The following ZNF385D variants were observed in gnomAD, a reference collection of about 807,000 sequenced individuals.
The protein encoded by ZNF385D is zinc finger protein 385D, also known as zinc finger protein 659.
Under a neutral mutation model 35.8 loss-of-function variants are expected in ZNF385D, and 15 were observed. The observed-to-expected ratio is 0.42, with a 90% CI of 0.28 to 0.64. The LOEUF is 0.64. ZNF385D is among the 30% of genes least tolerant of loss of function. ZNF385D has a pLI of 0.23. For synonymous variants in ZNF385D, 212 were observed against 186.8 expected, an observed-to-expected ratio of 1.13 and a Z score of -1.10; for missense variants, 474 against 494.6, an observed-to-expected ratio of 0.96 and a Z score of 0.39.
At chr3:21,443,425 CT>C in intron 4 of ZNF385D, 1 of 732,404 alleles carries the variant, frequency 1.4e-6, no homozygotes, top group Non-Finnish European at 1.7e-6. Flanking sequence ...GGGGGTCTGT[CT>C]TATAGAACCC....
chr3:21,420,779 G>GT lies in ZNF385D; in HGVS notation c.*434dup, dbSNP rs553354208. 41 of 156,254 alleles carry GT rather than the reference G, an allele frequency of 2.6e-4. 1 individual carries two copies. In the South Asian group the frequency reaches 6.2e-3, roughly 24 times the overall value. 9.7% of individuals were successfully genotyped at this position (156,254 alleles called of 1,614,324 possible). A position where few individuals can be genotyped will look rare whatever the true frequency, so the allele number is the denominator to read the frequency against. ...TATTCACAGTGTTGCTTTTGTTTTT[G>GT]TTTTTTTCCTTTTTTTTTGTACGAT... On this transcript the variant is annotated 3_prime_UTR_variant, in exon 8 of 8. Coordinates refer to ENST00000281523, the MANE Select transcript of ZNF385D (RefSeq NM_024697.3).
intron 3 of ZNF385D, among the ~76,000 whole-genome samples, chr3:22,074,432 A>C (rs1700371241): frequency 6.6e-6 from 1 of 152,006 alleles, no homozygotes; most frequent in Admixed American, 6.6e-5. Flanking sequence ...AAAAACATTG[A>C]GCCCAATGCC....
At chr3:22,173,927 C>T (rs541775329) in intron 2 of ZNF385D, among the ~76,000 whole-genome samples, 1 of 152,148 alleles carries the variant, frequency 6.6e-6, no homozygotes, top group South Asian at 2.1e-4. Context: ...TTCTGAATAA[C>T]TGGGCTACCA....
intron 3 of ZNF385D, among the ~76,000 whole-genome samples, chr3:21,806,470 G>A (rs558844343): frequency 1.3e-5 from 2 of 152,156 alleles, no homozygotes; most frequent in Non-Finnish European, 1.5e-5. Flanking sequence ...CTCCCAGAGT[G>A]CTGGGATTAC....
intron 2 of ZNF385D, among the ~76,000 whole-genome samples, chr3:22,186,713 T>A (rs558163051): frequency 1.1e-4 from 16 of 152,278 alleles, no homozygotes; most frequent in African/African-American, 1.7e-4. Context: ...CTTAATTTCA[T>A]GCTCTTACTA....
At chr3:21,762,094 G>A (rs915278262) in intron 3 of ZNF385D, among the ~76,000 whole-genome samples, 26 of 151,864 alleles carry the variant, frequency 1.7e-4, no homozygotes, top group African/African-American at 6.0e-4. Flanking sequence ...GGCCAGGATG[G>A]TCTCGATCTC....
chr3:21,421,513 T>C, intron 7 of ZNF385D, 66 bp from the exon 8 acceptor site: 1 of 1,166,520 alleles, frequency 8.6e-7, no homozygotes, highest in Non-Finnish European at 1.2e-6. Context: ...AAACCCAAAA[T>C]GGCAGGGAGC....
intron 2 of ZNF385D, among the ~76,000 whole-genome samples, chr3:21,569,677 G>A (rs2063267671): frequency 6.6e-6 from 1 of 151,272 alleles, no homozygotes; most frequent in African/African-American, 2.4e-5. Context: ...TTACATTTTG[G>A]CATGATTTTG....
chr3:22,184,194 G>C (rs776786466), intron 2 of ZNF385D, among the ~76,000 whole-genome samples: 1 of 152,100 alleles, frequency 6.6e-6, no homozygotes, highest in Non-Finnish European at 1.5e-5. Flanking sequence ...TCTCCCATTT[G>C]TAAGAAGGAG....
In ZNF385D at chr3:21,810,685, T is replaced by C. The variant is rs543422394; in HGVS notation, c.326-145657A>G. Among the ~76,000 whole-genome samples the C allele has an allele frequency of 4.6e-5, 7 of 152,140 alleles. 1 individual carries two copies. The highest frequency in any genetic ancestry group is 1.4e-4 in the African/African-American group (6 of 41,540). On this transcript the variant is annotated intron_variant, in intron 3 of 5. Transcript: ENST00000494108. ...TGGATTGTTTGAAATGTACCTTGTT[T>C]TAAAGTTTGATTTTGGATCTGTATA...
rs572622947 is a variant in ZNF385D, at chr3:21,756,322, T to C, written c.326-91294A>G. Among the ~76,000 whole-genome samples the C allele has an allele frequency of 2.0e-5, 3 of 152,244 alleles. No homozygotes were observed. The East Asian group carries it at 5.8e-4, about 29-fold the overall frequency. ...AGATTTTTTTTAAAGTAGTGGAGTA[T>C]TCACAATTTGAGGACTGAGCAAATG... On this transcript the variant is annotated intron_variant, in intron 3 of 5. Transcript: ENST00000494108.
intron 3 of ZNF385D, among the ~76,000 whole-genome samples, chr3:21,975,512 C>T (rs1315930006): frequency 4.6e-5 from 7 of 151,750 alleles, no homozygotes; most frequent in South Asian, 4.2e-4. Context: ...CACTCAATAA[C>T]GATTTATTGT....
At chr3:21,806,163 C>T (rs543753067) in intron 3 of ZNF385D, among the ~76,000 whole-genome samples, 28 of 151,738 alleles carry the variant, frequency 1.8e-4, no homozygotes, top group South Asian at 8.4e-4. Context: ...CCCTCTCTTT[C>T]ACTTCTGCAT....
chr3:21,694,041 G>GTTTTTTTTTTTTTTTTT (rs1559525354), intron 1 of ZNF385D, among the ~76,000 whole-genome samples: 4 of 24,206 alleles, frequency 1.7e-4, no homozygotes, highest in Admixed American at 3.5e-4. Flanking sequence ...ACTACGCCTG[G>GTTTTTTTTTTTTTTTTT]CTTTTTTTTT....
At chr3:21,651,236 C>T (rs2065903102) in intron 2 of ZNF385D, among the ~76,000 whole-genome samples, 2 of 131,500 alleles carry the variant, frequency 1.5e-5, no homozygotes, top group Non-Finnish European at 3.1e-5. Flanking sequence ...TGCAGTGAGC[C>T]AAGATCGTGC....
chr3:21,647,900 A>G (rs2065801526), intron 2 of ZNF385D, among the ~76,000 whole-genome samples: 1 of 152,192 alleles, frequency 6.6e-6, no homozygotes, highest in Non-Finnish European at 1.5e-5. Context: ...GAAAAATGGT[A>G]TAAACGTCAA....
chr3:21,883,508 T>G (rs1052442803), intron 3 of ZNF385D, among the ~76,000 whole-genome samples: 13 of 152,016 alleles, frequency 8.6e-5, no homozygotes, highest in African/African-American at 3.1e-4. Context: ...ACATTTGTTA[T>G]CATGTGAATC....
intron 5 of ZNF385D, among the ~76,000 whole-genome samples, chr3:21,436,179 G>A (rs1701541549): frequency 6.6e-6 from 1 of 152,046 alleles, no homozygotes; most frequent in South Asian, 2.1e-4. Context: ...ACACACAGAT[G>A]AGGGGGTATA....
chr3:21,896,516 T>C (rs888390189), intron 3 of ZNF385D, among the ~76,000 whole-genome samples: 3 of 152,122 alleles, frequency 2.0e-5, no homozygotes, highest in Admixed American at 6.5e-5. Flanking sequence ...GGCAAAGAGG[T>C]GGGGCCTGGG....
Sources: allele counts gnomAD v4.1 joint callset (sites outside exome capture counted in the v4.1 genomes callset), GRCh38; gene constraint gnomAD v4.1.1; transcripts MANE v1.5; gene names NCBI Gene and HGNC (gene_info 2026-07-23, HGNC 2026-07-21).